UTRN: variants seen among roughly 807,000 people sequenced by gnomAD.
The protein encoded by UTRN is utrophin, also known as dystrophin-related protein 1.
Under a neutral mutation model 463.9 loss-of-function variants are expected in UTRN, and 283 were observed. That is an observed-to-expected ratio of 0.61 (90% CI 0.55 to 0.67). The LOEUF (loss-of-function observed/expected upper bound fraction) is 0.67. Ranked by LOEUF, UTRN falls within the 30% of genes least tolerant of loss-of-function variation. The pLI is 0.00. For synonymous variants in UTRN, 1,442 were observed against 1,431.5 expected (o/e 1.01, Z -0.17); for missense variants, 3,922 against 4,084.3 (o/e 0.96, Z 1.08).
chr6:144,739,038 T>C (rs757849543), intron 54 of UTRN, among the ~76,000 whole-genome samples: 76 of 152,198 alleles, frequency 5.0e-4, no homozygotes, highest in Non-Finnish European at 8.8e-5. Context: ...TTAATAATAA[T>C]TTTTCAGATG....
intron 51 of UTRN, among the ~76,000 whole-genome samples, chr6:144,638,101 G>A (rs1777373960): frequency 6.6e-6 from 1 of 152,134 alleles, no homozygotes. Flanking sequence ...CAACATGTTA[G>A]TTAGTTCTGA....
chr6:144,828,740 C>T (rs1780408841), intron 68 of UTRN, 50 bp from the exon 69 acceptor site: 8 of 1,529,460 alleles, frequency 5.2e-6, no homozygotes, highest in Non-Finnish European at 7.2e-6. Flanking sequence ...GTCCAATTGA[C>T]CATGTCCTAT....
intron 73 of UTRN, among the ~76,000 whole-genome samples, chr6:144,845,255 C>T (rs1001381708): frequency 6.6e-6 from 1 of 152,154 alleles, no homozygotes; most frequent in Non-Finnish European, 1.5e-5. Flanking sequence ...ACTAAAATTC[C>T]CACTGACTGC....
At chr6:144,748,661 G>A (rs1791024040) in intron 55 of UTRN, 147 bp downstream of exon 55, 2 of 1,101,456 alleles carry the variant, frequency 1.8e-6, no homozygotes, top group East Asian at 5.3e-5. Flanking sequence ...AGTCAGGACA[G>A]GTGCTTTCCA....
chr6:144,774,398 A>G (rs749945333), intron 60 of UTRN, 34 bp downstream of exon 60: 6 of 1,517,650 alleles, frequency 4.0e-6, no homozygotes, highest in Non-Finnish European at 5.3e-6. Flanking sequence ...TCAATCTGTT[A>G]CTTGAATTGC....
intron 74 of UTRN, 62 bp downstream of exon 74, chr6:144,846,889 TCCA>T (rs1393045941): frequency 6.3e-7 from 1 of 1,592,800 alleles, no homozygotes; most frequent in East Asian, 2.2e-5. Flanking sequence ...AAGCAGATTA[TCCA>T]CGACTGATTT....
intron 52 of UTRN, among the ~76,000 whole-genome samples, chr6:144,692,635 A>C (rs528271396): frequency 1.2e-3 from 177 of 152,038 alleles, no homozygotes; most frequent in African/African-American, 4.1e-3. Flanking sequence ...GCATTTCTCT[A>C]ATGATCAGTG....
intron 51 of UTRN, among the ~76,000 whole-genome samples, chr6:144,662,928 G>C (rs1562726796): frequency 6.6e-6 from 1 of 152,184 alleles, no homozygotes; most frequent in Non-Finnish European, 1.5e-5. Context: ...TGTTTGGCAT[G>C]TTATACTCAT....
At chr6:144,413,294 T>C (rs762487114) in intron 3 of UTRN, among the ~76,000 whole-genome samples, 3 of 152,126 alleles carry the variant, frequency 2.0e-5, no homozygotes, top group Non-Finnish European at 4.4e-5. Context: ...CACAATGCCA[T>C]TTACTCGAGT....
At chr6:144,743,910 G>C (rs1474223645) in intron 54 of UTRN, among the ~76,000 whole-genome samples, 1 of 150,168 alleles carries the variant, frequency 6.7e-6, no homozygotes, top group African/African-American at 2.4e-5. Context: ...TAAATAAATT[G>C]GTGTTTAAAA....
At chr6:144,760,973 T>C (rs1481332667) in intron 58 of UTRN, among the ~76,000 whole-genome samples, 1 of 152,204 alleles carries the variant, frequency 6.6e-6, no homozygotes, top group African/African-American at 2.4e-5. Flanking sequence ...AAGCCCACTT[T>C]GATGGCTTCC....
intron 60 of UTRN, among the ~76,000 whole-genome samples, chr6:144,777,783 G>A (rs1775464256): frequency 1.3e-5 from 2 of 152,304 alleles, no homozygotes; most frequent in Admixed American, 1.3e-4. Flanking sequence ...CTGGGATTTA[G>A]GCATGGGGCA....
chr6:144,608,859 A>G (rs1212517752), intron 51 of UTRN, among the ~76,000 whole-genome samples: 1 of 152,200 alleles, frequency 6.6e-6, no homozygotes, highest in African/African-American at 2.4e-5. Context: ...CAACTTTTAT[A>G]CTACAAAGTA....
intron 41 of UTRN, among the ~76,000 whole-genome samples, chr6:144,523,764 A>G (rs1796330090): frequency 6.6e-6 from 1 of 152,224 alleles, no homozygotes; most frequent in Non-Finnish European, 1.5e-5. Flanking sequence ...TAAAAAAACT[A>G]AAGAAATTTT....
chr6:144,454,644 C>A (rs1011081799), intron 19 of UTRN, among the ~76,000 whole-genome samples: 4 of 151,982 alleles, frequency 2.6e-5, no homozygotes, highest in Admixed American at 2.6e-4. Context: ...TATTGTTTGA[C>A]TTTTTGTTAT....
intron 52 of UTRN, among the ~76,000 whole-genome samples, chr6:144,692,082 C>T (rs997620400): frequency 1.3e-5 from 2 of 152,140 alleles, no homozygotes; most frequent in Admixed American, 6.5e-5. Context: ...TTGTTGGTCT[C>T]CTCTATGTAT....
rs920043203 is a variant in UTRN at position 144,506,414 on chromosome 6, G to A, written c.4765-4530G>A. On this transcript the variant is annotated intron_variant, in intron 34 of 74. Coordinates refer to ENST00000367545, the MANE Select transcript of UTRN (RefSeq NM_007124.3). ...TGGCTGGAACTGGTTTTTCATTTCC[G>A]TATTTAGTGCTTCCTTTGGGAGTTC... Among the ~76,000 whole-genome samples, 6 of 152,104 alleles carry A rather than the reference G, an allele frequency of 3.9e-5. No homozygotes were observed. The East Asian group carries it at 7.7e-4, about 20-fold the overall frequency.
intron 2 of UTRN, among the ~76,000 whole-genome samples, chr6:144,388,488 AT>A (rs1781610903): frequency 6.7e-6 from 1 of 149,200 alleles, no homozygotes; most frequent in African/African-American, 2.5e-5. Flanking sequence ...AATATTATTT[AT>A]TTATTTATTT....
chr6:144,407,418 A>T (rs1237996277), intron 3 of UTRN, among the ~76,000 whole-genome samples: 1 of 152,208 alleles, frequency 6.6e-6, no homozygotes, highest in Non-Finnish European at 1.5e-5. Context: ...GGATATGAAT[A>T]CAATGCATCA....
Sources: allele counts gnomAD v4.1 joint callset (sites outside exome capture counted in the v4.1 genomes callset), GRCh38; gene constraint gnomAD v4.1.1; transcripts MANE v1.5; gene names NCBI Gene and HGNC (gene_info 2026-07-23, HGNC 2026-07-21).